VWA8: variants seen among roughly 807,000 people sequenced by gnomAD.
The protein encoded by VWA8 is von Willebrand factor A domain containing 8.
Under a neutral mutation model 241.5 loss-of-function variants are expected in VWA8, and 221 were observed. The ratio of observed to expected loss-of-function variants is 0.91; its 90% CI spans 0.82 to 1.02. The LOEUF is 1.02. Ranked by LOEUF, VWA8 falls within the 50% of genes least tolerant of loss-of-function variation. VWA8 has a pLI of 0.00. For synonymous variants in VWA8, 852 were observed against 827.1 expected, an observed-to-expected ratio of 1.03 and a Z score of -0.52; for missense variants, 2,322 against 2,328.7, an observed-to-expected ratio of 1.00 and a Z score of 0.06.
At chr13:41,879,062 T>C (rs1874041433) in intron 9 of VWA8, among the ~76,000 whole-genome samples, 1 of 152,176 alleles carries the variant, frequency 6.6e-6, no homozygotes. Context: ...CACATTGGGC[T>C]GAGGGGCATT....
chr13:41,628,532 G>A (rs2044707342), intron 37 of VWA8, among the ~76,000 whole-genome samples: 1 of 151,984 alleles, frequency 6.6e-6, no homozygotes, highest in Non-Finnish European at 1.5e-5. Context: ...ATTAACCTAG[G>A]CTCCCATCAA....
At chr13:41,689,636 A>G in intron 33 of VWA8, 128 bp from the exon 34 acceptor site, 1 of 932,832 alleles carries the variant, frequency 1.1e-6, no homozygotes, top group Non-Finnish European at 1.5e-6. Context: ...ATTTTAAATT[A>G]CATTCATGGG....
At chr13:41,960,707 G>C in intron 1 of VWA8, 146 bp downstream of exon 1, 1 of 1,214,516 alleles carries the variant, frequency 8.2e-7, no homozygotes, top group Non-Finnish European at 1.1e-6. Flanking sequence ...CCGAGGTCGG[G>C]ACTAGAACCT....
At position 41,575,487 on chromosome 13, in the gene VWA8, C is replaced by T. The variant is rs577839137; in HGVS notation, c.5370+253G>A. On this transcript the variant is annotated intron_variant, in intron 43 of 44. Coordinates refer to ENST00000379310, the MANE Select transcript of VWA8 (RefSeq NM_015058.2). The stretch of plus-strand genomic sequence containing the variant: ...GCTGAGAAGAGCCATATAGGACATA[C>T]AAGGGGGCCCAGGTTGTAGAATCCC... 2.6e-5 allele frequency among the ~76,000 whole-genome samples: 4 copies of T among 152,212 alleles called. No homozygotes were observed. In the South Asian group the frequency reaches 6.2e-4, roughly 24 times the overall value.
In VWA8 at chr13:41,786,417, A is replaced by C. The variant is rs1429738665; in HGVS notation, c.2170+1020T>G. 7.2e-5 allele frequency among the ~76,000 whole-genome samples: 11 copies of C among 152,264 alleles called. No homozygotes were observed. In the South Asian group the frequency reaches 1.2e-3, roughly 17 times the overall value. On this transcript the variant is annotated intron_variant, in intron 18 of 44. Transcript: ENST00000379310. The stretch of plus-strand genomic sequence containing the variant: ...TTCTTCATAAGAGAGATGGCCTTAA[A>C]GATGAATGGAACCAGACAAGTAAAA...
At chr13:41,572,208 G>T (rs961373879) in intron 43 of VWA8, among the ~76,000 whole-genome samples, 1 of 149,610 alleles carries the variant, frequency 6.7e-6, no homozygotes, top group Non-Finnish European at 1.5e-5. Context: ...CAGCCGCCCC[G>T]TCTGGGAGGG....
intron 37 of VWA8, among the ~76,000 whole-genome samples, chr13:41,641,086 T>G (rs1295946289): frequency 6.6e-6 from 1 of 152,204 alleles, no homozygotes; most frequent in Non-Finnish European, 1.5e-5. Context: ...ACACATTCTA[T>G]TCTAAATTAC....
At chr13:41,617,064 T>G (rs926688056) in intron 37 of VWA8, among the ~76,000 whole-genome samples, 22 of 151,954 alleles carry the variant, frequency 1.4e-4, no homozygotes, top group African/African-American at 4.3e-4. Context: ...AAGGTATGAT[T>G]ACAGTCTAAA....
At chr13:41,940,331 A>C (rs935601055) in intron 2 of VWA8, among the ~76,000 whole-genome samples, 1 of 152,198 alleles carries the variant, frequency 6.6e-6, no homozygotes, top group Admixed American at 6.5e-5. Flanking sequence ...GAATTAGGTA[A>C]ATCAAAGCAT....
intron 39 of VWA8, among the ~76,000 whole-genome samples, chr13:41,610,188 T>C (rs1403472790): frequency 6.6e-6 from 1 of 152,182 alleles, no homozygotes. Context: ...ACATTTCCAA[T>C]TGTTTAGTTC....
intron 4 of VWA8, among the ~76,000 whole-genome samples, chr13:41,897,060 T>C (rs1375453566): frequency 6.6e-6 from 1 of 152,138 alleles, no homozygotes; most frequent in Non-Finnish European, 1.5e-5. Flanking sequence ...TCTACACAGA[T>C]ATTAAAAATA....
intron 24 of VWA8, among the ~76,000 whole-genome samples, chr13:41,725,694 GA>G (rs139947349): frequency 0.013 from 2,018 of 152,300 alleles, 22 homozygotes; most frequent in Middle Eastern, 0.054. Flanking sequence ...GATGGAGACA[GA>G]ACAGGGAGTG....
chr13:41,606,218 T>C (rs1338014320), intron 39 of VWA8, among the ~76,000 whole-genome samples: 2 of 152,144 alleles, frequency 1.3e-5, no homozygotes, highest in Non-Finnish European at 2.9e-5. Context: ...TCTATACTCC[T>C]TTAGGTAAGG....
In VWA8 at chr13:41,674,304, C is replaced by G. The variant is rs1039057663; in HGVS notation, c.4409+911G>C. Among the ~76,000 whole-genome samples, 9 of 152,256 alleles carry G rather than the reference C, an allele frequency of 5.9e-5. 2 individuals are homozygous for G. Among genetic ancestry groups the G allele is most frequent in the East Asian group, 1.9e-4 (1 of 5,184 alleles). ...GCCTGGTGACATTTTGGGTGACTGA[C>G]AGATTCTGTTGTCCCTGGTCTTCCT... On this transcript the variant is annotated intron_variant, in intron 36 of 44. Coordinates refer to ENST00000379310, the MANE Select transcript of VWA8 (RefSeq NM_015058.2).
intron 12 of VWA8, among the ~76,000 whole-genome samples, chr13:41,853,411 C>T (rs1217001906): frequency 6.6e-6 from 1 of 151,982 alleles, no homozygotes; most frequent in African/African-American, 2.4e-5. Context: ...TGAAAGTATT[C>T]CCTCTTTTTC....
At chr13:41,605,836 C>T (rs1434156782) in intron 39 of VWA8, among the ~76,000 whole-genome samples, 1 of 152,134 alleles carries the variant, frequency 6.6e-6, no homozygotes, top group African/African-American at 2.4e-5. Context: ...TCTAAAATTG[C>T]TGACAGTGTA....
intron 20 of VWA8, among the ~76,000 whole-genome samples, chr13:41,773,485 G>A (rs1868424111): frequency 6.6e-6 from 1 of 152,186 alleles, no homozygotes; most frequent in Non-Finnish European, 1.5e-5. Flanking sequence ...ACTCAGAACA[G>A]CACAGAGAAA....
Position 41,590,744 on chromosome 13 carries a change from A to T in VWA8, c.5008T>A (p.Trp1670Arg). The change falls in exon 41 of 45, where the codon TGG becomes AGG. Residue 1670 changes from tryptophan (W) to arginine (R), a missense_variant. Physicochemically the swap from Trp to Arg is moderately radical, Grantham distance 101 (BLOSUM62 -3). Transcript: ENST00000379310. ...TCTCCAGTAGCTTGATGTCTTAGCC[A>T]TTGTCTTTCTTTACCTTTAGCCTAC... ...NLQAKGKERQ[W>R]LRHQATGELD... 6.2e-7 allele frequency: 1 copy of T among 1,614,042 alleles called. No individual in the cohort carries two copies. The highest frequency in any genetic ancestry group is 8.5e-7 in the Non-Finnish European group (1 of 1,180,002).
At chr13:41,896,181 C>G (rs964067301) in intron 4 of VWA8, among the ~76,000 whole-genome samples, 5 of 152,032 alleles carry the variant, frequency 3.3e-5, no homozygotes, top group Non-Finnish European at 7.4e-5. Flanking sequence ...TGATATAACT[C>G]TCTCGCACTG....
Sources: gnomAD v4.1 joint callset for allele counts (sites outside exome capture counted in the v4.1 genomes callset) on GRCh38, gnomAD v4.1.1 for gene constraint, MANE v1.5 for transcripts, NCBI Gene and HGNC (gene_info 2026-07-23, HGNC 2026-07-21) for gene names.